Variants in DLG1 observed in about 807,000 individuals in gnomAD.
The protein encoded by DLG1 is disks large homolog 1.
In DLG1, 42 loss-of-function variants were observed where a neutral mutation model predicts 123.4. The ratio of observed to expected loss-of-function variants is 0.34; its 90% CI spans 0.27 to 0.44. DLG1 has a LOEUF of 0.44. Ranked by LOEUF, DLG1 falls within the 20% of genes least tolerant of loss-of-function variation. DLG1 has a pLI of 1.00. For synonymous variants in DLG1, 317 were observed against 356.2 expected (o/e 0.89, Z 1.24); for missense variants, 942 against 1,082.6 (o/e 0.87, Z 1.82).
At chr3:197,238,592 A>G (rs1335362607) in intron 4 of DLG1, among the ~76,000 whole-genome samples, 1 of 152,206 alleles carries the variant, frequency 6.6e-6, no homozygotes, top group Non-Finnish European at 1.5e-5. Flanking sequence ...CACCATACAG[A>G]ATGTCAATCC....
intron 5 of DLG1, chr3:197,183,722 G>T: frequency 6.4e-7 from 1 of 1,550,496 alleles, no homozygotes. Flanking sequence ...TCTGCTTTGG[G>T]CCTGCTGAGC....
At chr3:197,106,424 C>CA (rs1766434222) in intron 13 of DLG1, among the ~76,000 whole-genome samples, 1 of 148,792 alleles carries the variant, frequency 6.7e-6, no homozygotes, top group African/African-American at 2.5e-5. Flanking sequence ...CAGCCCCCCC[C>CA]ACCCCCCTCA....
chr3:197,127,913 GC>G (rs557932477), intron 11 of DLG1, among the ~76,000 whole-genome samples: 1,624 of 68,780 alleles, frequency 0.024, 30 homozygotes, highest in African/African-American at 0.074. Context: ...ATACTTTATT[GC>G]TAAAAAAAAA....
intron 4 of DLG1, chr3:197,282,464 C>T (rs1769850016): frequency 6.0e-6 from 2 of 333,568 alleles, no homozygotes; most frequent in Middle Eastern, 8.3e-4. Context: ...TTTCAGACTT[C>T]AAACATTCAT....
intron 18 of DLG1, among the ~76,000 whole-genome samples, chr3:197,071,559 T>G (rs918094934): frequency 1.3e-5 from 2 of 152,210 alleles, no homozygotes; most frequent in African/African-American, 2.4e-5. Context: ...GTCCTTAGAA[T>G]AGCGTCATCA....
chr3:197,068,867 G>C (rs1435033269), intron 19 of DLG1, among the ~76,000 whole-genome samples: 1 of 152,028 alleles, frequency 6.6e-6, no homozygotes, highest in African/African-American at 2.4e-5. Context: ...TAGCATTACT[G>C]AAAAATATTA....
At chr3:197,099,092 C>T (rs1762134533) in intron 14 of DLG1, among the ~76,000 whole-genome samples, 1 of 152,112 alleles carries the variant, frequency 6.6e-6, no homozygotes, top group Non-Finnish European at 1.5e-5. Flanking sequence ...TGGAGACAGG[C>T]TCTTGCTCTG....
intron 4 of DLG1, among the ~76,000 whole-genome samples, chr3:197,207,300 C>A (rs1248865786): frequency 6.6e-6 from 1 of 152,106 alleles, no homozygotes; most frequent in African/African-American, 2.4e-5. Flanking sequence ...AAGGCCATAT[C>A]TGAAATAGAA....
At chr3:197,234,972 T>C (rs557753291) in intron 4 of DLG1, among the ~76,000 whole-genome samples, 10 of 152,122 alleles carry the variant, frequency 6.6e-5, no homozygotes, top group African/African-American at 2.4e-4. Flanking sequence ...ATAAACAAAA[T>C]ATGAAAAAAC....
intron 19 of DLG1, chr3:197,068,381 A>C (rs1741195357): frequency 1.4e-6 from 1 of 701,018 alleles, no homozygotes. Context: ...TCATTTCCAC[A>C]CCAAAAAAAA....
At chr3:197,056,340 A>T (rs1005100461) in intron 23 of DLG1, among the ~76,000 whole-genome samples, 1 of 152,216 alleles carries the variant, frequency 6.6e-6, no homozygotes, top group Non-Finnish European at 1.5e-5. Flanking sequence ...ATTTTGCCTT[A>T]TTAAAAAAAT....
At chr3:197,052,202 C>T (rs1458175927) in intron 23 of DLG1, among the ~76,000 whole-genome samples, 1 of 151,968 alleles carries the variant, frequency 6.6e-6, no homozygotes, top group Non-Finnish European at 1.5e-5. Flanking sequence ...TACCTGTAAT[C>T]CCAGCATTTT....
chr3:197,127,452 AAAAAAATATATATATATATATATATATAT>A (rs1780048407), intron 11 of DLG1, among the ~76,000 whole-genome samples: 2 of 22,076 alleles, frequency 9.1e-5, no homozygotes, highest in African/African-American at 1.8e-4. Context: ...AAAAAAAAAA[AAAAAAATATATATATATATATATATATAT>A]ATATATATAT....
intron 4 of DLG1, among the ~76,000 whole-genome samples, chr3:197,268,582 G>T (rs189438799): frequency 6.6e-6 from 1 of 151,402 alleles, no homozygotes; most frequent in African/African-American, 2.4e-5. Flanking sequence ...CACCAACCAC[G>T]CCTAATTTTT....
intron 3 of DLG1, among the ~76,000 whole-genome samples, chr3:197,295,826 A>T (rs1777138656): frequency 6.6e-6 from 1 of 152,234 alleles, no homozygotes; most frequent in Non-Finnish European, 1.5e-5. Flanking sequence ...ATTAAGTTAC[A>T]ATTAAGAATA....
chr3:197,059,775 A>G, intron 23 of DLG1, 114 bp downstream of exon 23: 1 of 667,046 alleles, frequency 1.5e-6, no homozygotes, highest in Non-Finnish European at 2.6e-6. Flanking sequence ...GTGAATAAAC[A>G]TACTACTATT....
In DLG1 at chr3:197,178,873, A is replaced by G. The variant is rs182961740; in HGVS notation, c.483+15552T>C. Among the ~76,000 whole-genome samples the G allele has an allele frequency of 3.0e-4, 45 of 152,274 alleles. No homozygotes were observed. In the East Asian group the frequency reaches 7.7e-3, roughly 26 times the overall value. On this transcript the variant is annotated intron_variant, in intron 5 of 24. Coordinates refer to ENST00000667157, the MANE Select transcript of DLG1 (RefSeq NM_001366207.1). Reference sequence around the variant, plus strand: ...GGTTTTTTGGATGGTTGTTTTAATGAAAGATATTATAGCAGGTGTACATCC... The same window carrying G: ...GGTTTTTTGGATGGTTGTTTTAATGGAAGATATTATAGCAGGTGTACATCC...
chr3:197,260,149 A>C (rs962469068), intron 4 of DLG1: 1 of 277,346 alleles, frequency 3.6e-6, no homozygotes, highest in African/African-American at 2.3e-5. Context: ...TCACACATCT[A>C]TTTTCAAATC....
chr3:197,074,138 T>C (rs1745802796), intron 18 of DLG1, among the ~76,000 whole-genome samples: 1 of 152,086 alleles, frequency 6.6e-6, no homozygotes, highest in African/African-American at 2.4e-5. Flanking sequence ...CTCCATCATA[T>C]CCAGTTTTAG....
Sources: allele counts gnomAD v4.1 joint callset (sites outside exome capture counted in the v4.1 genomes callset), GRCh38; gene constraint gnomAD v4.1.1; transcripts MANE v1.5; gene names NCBI Gene and HGNC (gene_info 2026-07-23, HGNC 2026-07-21).